COL5A3: variants seen among roughly 807,000 people sequenced by gnomAD.
The protein encoded by COL5A3 is collagen alpha-3(V) chain.
In COL5A3, 172 loss-of-function variants were observed where a neutral mutation model predicts 250.0. That is an observed-to-expected ratio of 0.69 (90% CI 0.61 to 0.78). The LOEUF is 0.78. Ranked by LOEUF, COL5A3 falls within the 30% of genes least tolerant of loss-of-function variation. COL5A3 has a pLI of 0.00. For synonymous variants in COL5A3, 937 were observed against 900.4 expected (o/e 1.04, Z -0.73); for missense variants, 2,340 against 2,334.4 (o/e 1.00, Z -0.05).
chr19:9,978,880 A>G lies in COL5A3; in HGVS notation c.2964+11T>C. 1.4e-6 allele frequency: 2 copies of G among 1,451,610 alleles called. No homozygotes were observed. Among genetic ancestry groups the G allele is most frequent in the Non-Finnish European group, 9.1e-7 (1 of 1,099,892 alleles). The allele number at this position is 1,451,610 out of a possible 1,614,324, so 89.9% of individuals were successfully genotyped here. ...TAAGGGACATGCAGGAGGGTCTCCA[A>G]AGATACTCACCGGGTCCCCAGGGCC... On this transcript the variant is annotated intron_variant, in intron 40 of 66. Coordinates refer to ENST00000264828, the MANE Select transcript of COL5A3 (RefSeq NM_015719.4).
At position 9,966,575 on chromosome 19, in the gene COL5A3, A is replaced by G; in HGVS notation, c.4630T>C (p.Cys1544Arg). The change falls in exon 63 of 67, where the codon TGC (cysteine) becomes CGC (arginine). Residue 1544 changes from cysteine (C) to arginine (R), a missense_variant. By Grantham distance (180) the Cys-to-Arg change is radical. Transcript: ENST00000264828. Reference protein sequence around the residue: ...PGTAERPGLVCHELHRNHPHL... With the variant: ...PGTAERPGLVRHELHRNHPHL... ...GGGTGGTTGCGGTGCAGCTCGTGGC[A>G]CACGAGGCCCGGGCGCTCCGCAGTG... The G allele has an allele frequency of 6.5e-7, 1 of 1,542,824 alleles. No homozygotes were observed. The highest frequency in any genetic ancestry group is 8.7e-7 in the Non-Finnish European group (1 of 1,147,582).
chr19:9,986,577 G>T lies in COL5A3; in HGVS notation c.2220C>A (p.Gly740=). The change falls in exon 29 of 67, where the codon GGC becomes GGA. Residue 740 remains glycine, a synonymous_variant. Coordinates refer to ENST00000264828, the MANE Select transcript of COL5A3 (RefSeq NM_015719.4). ...KGEDGFPGFK[G]DVGLKGDQGK... Reference sequence around the variant, plus strand: ...CCTGATCACCTTTGAGCCCCACATCGCCCTTGAAGCCTGGGAAGCCGTCCT... The same window carrying T: ...CCTGATCACCTTTGAGCCCCACATCTCCCTTGAAGCCTGGGAAGCCGTCCT... The T allele has an allele frequency of 6.2e-7, 1 of 1,613,342 alleles. No individual in the cohort carries two copies. The highest frequency in any genetic ancestry group is 8.5e-7 in the Non-Finnish European group (1 of 1,179,882).
chr19:9,961,071 C>T (rs1304957320), intron 65 of COL5A3, among the ~76,000 whole-genome samples, 181 bp from the exon 66 acceptor site: 1 of 152,090 alleles, frequency 6.6e-6, no homozygotes, highest in African/African-American at 2.4e-5. Flanking sequence ...CCTGAACATC[C>T]ACTCTGTCCA....
chr19:10,006,011 G>A, intron 2 of COL5A3, 26 bp from the exon 3 acceptor site: 2 of 1,611,130 alleles, frequency 1.2e-6, no homozygotes, highest in Non-Finnish European at 1.7e-6. Flanking sequence ...GAACAAGGCA[G>A]CTCAGAGGGC....
chr19:9,974,144 CTCCCACCT>C lies in COL5A3; in HGVS notation c.3504+19_3504+26del. The C allele has an allele frequency of 6.2e-7, 1 of 1,609,620 alleles. No individual in the cohort carries two copies. Among genetic ancestry groups the C allele is most frequent in the Non-Finnish European group, 8.5e-7 (1 of 1,177,578 alleles). On this transcript the variant is annotated intron_variant, in intron 47 of 66. Coordinates refer to ENST00000264828, the MANE Select transcript of COL5A3 (RefSeq NM_015719.4). ...AACCTATAACCCCACCATCCTCCCCCTCCCACCTTCCTCTGGGAGTGCATACCATGGAC... is the reference window on the plus strand; with the variant it reads ...AACCTATAACCCCACCATCCTCCCCCTCCTCTGGGAGTGCATACCATGGAC...
intron 35 of COL5A3, 34 bp downstream of exon 35, chr19:9,980,614 A>G: frequency 6.4e-7 from 1 of 1,552,852 alleles, no homozygotes; most frequent in Non-Finnish European, 8.6e-7. Context: ...ACACACACAC[A>G]CATTCACACA....
chr19:9,983,580 GAAAGAAAGAA>G lies in COL5A3; in HGVS notation c.2407-1472_2407-1463del, dbSNP rs1568418714. Among the ~76,000 whole-genome samples the G allele has an allele frequency of 6.3e-4, 60 of 94,562 alleles. 1 individual carries two copies. The highest frequency in any genetic ancestry group is 2.2e-3 in the African/African-American group (57 of 26,426). The allele number at this position is 94,562 out of a possible 152,430, so 62.0% of individuals were successfully genotyped here. A position where few individuals can be genotyped will look rare whatever the true frequency, so the allele number is the denominator to read the frequency against. ...AGAAAGAAAGAAAGAAAGAAAGAAA[GAAAGAAAGAA>G]AGAAAGAAAGAGAAAGAGAGAGAGA... On this transcript the variant is annotated intron_variant, in intron 31 of 66. Transcript: ENST00000264828.
At chr19:9,967,153 C>A (rs1231793177) in intron 62 of COL5A3, among the ~76,000 whole-genome samples, 194 bp downstream of exon 62, 1 of 152,082 alleles carries the variant, frequency 6.6e-6, no homozygotes, top group African/African-American at 2.4e-5. Flanking sequence ...GGTGTCCCCC[C>A]AAGTCCCCCC....
chr19:10,002,440 C>T (rs1158797004), intron 6 of COL5A3, among the ~76,000 whole-genome samples: 5 of 151,096 alleles, frequency 3.3e-5, no homozygotes, highest in African/African-American at 4.9e-5. Context: ...GCCAAAGACC[C>T]CAAGCAATGA....
Position 9,961,748 on chromosome 19 carries a change from C to T in COL5A3, c.4852-858G>A, listed in dbSNP as rs200108739. ...TAATTTTTTGTATTTTTAGTAGAGACGGGGTTTCACCATGTTAGCCAGGAT... is the reference window on the plus strand; with the variant it reads ...TAATTTTTTGTATTTTTAGTAGAGATGGGGTTTCACCATGTTAGCCAGGAT... On this transcript the variant is annotated intron_variant, in intron 65 of 66. Coordinates refer to ENST00000264828, the MANE Select transcript of COL5A3 (RefSeq NM_015719.4). Among the ~76,000 whole-genome samples the T allele has an allele frequency of 1.0e-3, 153 of 151,746 alleles. 2 individuals carry two copies. In the East Asian group the frequency reaches 0.023, roughly 23 times the overall value.
chr19:9,971,013 G>A lies in COL5A3; in HGVS notation c.3844C>T (p.Pro1282Ser). The A allele has an allele frequency of 6.5e-7, 1 of 1,548,312 alleles. No homozygotes were observed. Among genetic ancestry groups the A allele is most frequent in the Non-Finnish European group, 8.7e-7 (1 of 1,153,010 alleles). ...TCACCAGGGTCTCCCTTCTCCCCTG[G>A]GGAACCATCTATGCCCTGCATGGGG... ...DPGVSGIDGS[P>S]GEKGDPGDVG... The change falls in exon 53 of 67, where the codon CCA becomes TCA. Residue 1282 changes from proline to serine, a missense_variant. By Grantham distance (74) the Pro-to-Ser change is moderately conservative (BLOSUM62 -1). Coordinates refer to ENST00000264828, the MANE Select transcript of COL5A3 (RefSeq NM_015719.4).
chr19:10,007,676 A>C (rs912287687), intron 1 of COL5A3, among the ~76,000 whole-genome samples: 24 of 152,038 alleles, frequency 1.6e-4, no homozygotes, highest in Middle Eastern at 3.2e-3. Flanking sequence ...GGCTCTGCTG[A>C]TCTCACCACG....
chr19:9,974,092 C>T (rs1236702117), intron 47 of COL5A3, 79 bp downstream of exon 47: 20 of 1,540,556 alleles, frequency 1.3e-5, no homozygotes, highest in Non-Finnish European at 1.8e-5. Flanking sequence ...TGACAATGTC[C>T]CTCAAATGAA....
intron 8 of COL5A3, among the ~76,000 whole-genome samples, chr19:9,999,895 C>T (rs4416137): frequency 0.014 from 2,119 of 152,120 alleles, 32 homozygotes; most frequent in South Asian, 0.045. Context: ...CAGCTGGGAC[C>T]AGAGGCACGA....
chr19:10,005,753 C>G (rs1412715325), intron 3 of COL5A3, 39 bp from the exon 4 acceptor site: 1 of 1,598,726 alleles, frequency 6.3e-7, no homozygotes, highest in Admixed American at 1.7e-5. Flanking sequence ...CTTCTCACCC[C>G]ACCCCTTATC....
chr19:9,971,297 G>C (rs779224789), intron 51 of COL5A3, 39 bp from the exon 52 acceptor site: 1 of 1,478,186 alleles, frequency 6.8e-7, no homozygotes, highest in African/African-American at 1.4e-5. Context: ...TCTCTGAATT[G>C]TGGAGCAATC....
rs764633267 is a variant in COL5A3 at position 9,997,443 on chromosome 19, A to T, written c.1201-10T>A. The T allele has an allele frequency of 1.3e-6, 2 of 1,588,874 alleles. No individual in the cohort carries two copies. Among genetic ancestry groups the T allele is most frequent in the East Asian group, 4.5e-5 (2 of 44,570 alleles). ...AGGGGCCAACCACCCCCTGTTGGGGACAGAGAAACAGGAGTCACAGGAAGT... is the reference window on the plus strand; with the variant it reads ...AGGGGCCAACCACCCCCTGTTGGGGTCAGAGAAACAGGAGTCACAGGAAGT... On this transcript the variant is annotated splice_polypyrimidine_tract_variant and intron_variant, in intron 10 of 66. Coordinates refer to ENST00000264828, the MANE Select transcript of COL5A3 (RefSeq NM_015719.4).
intron 47 of COL5A3, 61 bp downstream of exon 47, chr19:9,974,110 C>T: frequency 1.9e-6 from 3 of 1,567,146 alleles, no homozygotes; most frequent in Non-Finnish European, 2.6e-6. Context: ...GAATCTAATG[C>T]CTGCCGCCAA....
intron 27 of COL5A3, 91 bp downstream of exon 27, chr19:9,989,033 C>T: frequency 7.3e-7 from 1 of 1,370,462 alleles, no homozygotes; most frequent in East Asian, 2.3e-5. Flanking sequence ...TGATTCCCCT[C>T]TCCACACATC....
Sources: allele counts gnomAD v4.1 joint callset (sites outside exome capture counted in the v4.1 genomes callset), GRCh38; gene constraint gnomAD v4.1.1; transcripts MANE v1.5; gene names NCBI Gene and HGNC (gene_info 2026-07-23, HGNC 2026-07-21).